CSMD3: variants seen among roughly 807,000 people sequenced by gnomAD.
The protein encoded by CSMD3 is CUB and Sushi multiple domains 3.
Under a neutral mutation model 435.2 loss-of-function variants are expected in CSMD3, and 177 were observed. The observed-to-expected ratio is 0.41, with a 90% CI of 0.36 to 0.46. CSMD3 has a LOEUF of 0.46. Among genes scored for constraint, CSMD3 ranks in the 20% least tolerant of loss-of-function variants. The pLI is 0.34. For missense variants in CSMD3, 4,265 were observed against 4,504.6 expected, an observed-to-expected ratio of 0.95 and a Z score of 1.52; for synonymous variants, 1,656 against 1,520.5, an observed-to-expected ratio of 1.09 and a Z score of -2.07.
intron 24 of CSMD3, among the ~76,000 whole-genome samples, chr8:112,558,586 A>C (rs1224910341): frequency 6.6e-6 from 1 of 151,788 alleles, no homozygotes; most frequent in African/African-American, 2.4e-5. Flanking sequence ...TTCTCTTGTC[A>C]AATAGGAATA....
intron 59 of CSMD3, among the ~76,000 whole-genome samples, chr8:112,268,048 C>T (rs1305710778): frequency 2.0e-5 from 3 of 152,028 alleles, no homozygotes; most frequent in Non-Finnish European, 2.9e-5. Flanking sequence ...TCAGAAATAC[C>T]ATTGCATAAT....
chr8:112,256,958 C>T (rs748112895), intron 61 of CSMD3, among the ~76,000 whole-genome samples: 29 of 152,138 alleles, frequency 1.9e-4, no homozygotes, highest in African/African-American at 3.6e-4. Flanking sequence ...CCATCTGGAA[C>T]GCATGTATAC....
intron 11 of CSMD3, among the ~76,000 whole-genome samples, chr8:112,836,187 G>T (rs2080018476): frequency 6.6e-6 from 1 of 151,866 alleles, no homozygotes; most frequent in Non-Finnish European, 1.5e-5. Flanking sequence ...CTCTATTAAT[G>T]TAGATAGAAA....
chr8:112,337,942 A>C (rs1415875425), intron 42 of CSMD3, among the ~76,000 whole-genome samples: 1 of 152,184 alleles, frequency 6.6e-6, no homozygotes, highest in Non-Finnish European at 1.5e-5. Flanking sequence ...ATGTTAGTAC[A>C]ATTAATAAAA....
intron 32 of CSMD3, among the ~76,000 whole-genome samples, chr8:112,471,106 T>C (rs909797432): frequency 1.3e-5 from 2 of 152,144 alleles, no homozygotes; most frequent in African/African-American, 4.8e-5. Flanking sequence ...GCTACAGTAA[T>C]ACATCTCCAG....
intron 22 of CSMD3, among the ~76,000 whole-genome samples, chr8:112,596,922 C>T (rs1304738160): frequency 6.6e-6 from 1 of 151,028 alleles, no homozygotes; most frequent in Non-Finnish European, 1.5e-5. Flanking sequence ...CAGGAAAGAT[C>T]CAAAATTGAC....
At chr8:112,874,744 A>G (rs1337274255) in intron 10 of CSMD3, among the ~76,000 whole-genome samples, 1 of 151,322 alleles carries the variant, frequency 6.6e-6, no homozygotes, top group Non-Finnish European at 1.5e-5. Flanking sequence ...TTATTTATTT[A>G]TTCATTTTTG....
At chr8:112,893,079 A>AACT (rs536354178) in intron 10 of CSMD3, among the ~76,000 whole-genome samples, 9 of 150,860 alleles carry the variant, frequency 6.0e-5, no homozygotes, top group East Asian at 2.0e-4. Context: ...TAACAACAAC[A>AACT]ACTACTACTA....
chr8:112,642,180 G>A (rs1024508466), intron 20 of CSMD3, among the ~76,000 whole-genome samples: 2 of 151,620 alleles, frequency 1.3e-5, no homozygotes, highest in African/African-American at 2.4e-5. Flanking sequence ...CCTAAAGGGT[G>A]CCATTTGACT....
At chr8:113,054,524 T>C (rs1036730895) in intron 5 of CSMD3, among the ~76,000 whole-genome samples, 2 of 152,190 alleles carry the variant, frequency 1.3e-5, no homozygotes, top group African/African-American at 4.8e-5. Context: ...TCTGTAGCAA[T>C]TGAAAAATTG....
chr8:113,343,898 T>C (rs1396943329), intron 1 of CSMD3, among the ~76,000 whole-genome samples: 1 of 152,132 alleles, frequency 6.6e-6, no homozygotes, highest in Non-Finnish European at 1.5e-5. Context: ...TTATAATCTA[T>C]CTTATAATTC....
intron 60 of CSMD3, 88 bp from the exon 61 acceptor site, chr8:112,263,900 T>C (rs1816683990): frequency 5.9e-6 from 7 of 1,189,408 alleles, no homozygotes; most frequent in Non-Finnish European, 8.7e-6. Flanking sequence ...AAGAAGCACA[T>C]GTGCTAATTT....
At chr8:112,285,786 C>T (rs994844800) in intron 58 of CSMD3, among the ~76,000 whole-genome samples, 2 of 152,018 alleles carry the variant, frequency 1.3e-5, no homozygotes, top group Non-Finnish European at 2.9e-5. Context: ...GTGGCATAAT[C>T]ATGGTTCACT....
chr8:112,388,228 C>T (rs531837812), intron 36 of CSMD3, among the ~76,000 whole-genome samples: 5 of 152,160 alleles, frequency 3.3e-5, no homozygotes, highest in African/African-American at 1.2e-4. Flanking sequence ...CAGAGCACAA[C>T]GGCATAATCG....
At chr8:113,294,243 T>C (rs764780569) in intron 2 of CSMD3, among the ~76,000 whole-genome samples, 1 of 152,098 alleles carries the variant, frequency 6.6e-6, no homozygotes, top group Non-Finnish European at 1.5e-5. Flanking sequence ...AATAATAGTT[T>C]GTCTGTTTTT....
intron 11 of CSMD3, among the ~76,000 whole-genome samples, chr8:112,855,054 T>C (rs923252363): frequency 2.0e-5 from 3 of 152,186 alleles, no homozygotes; most frequent in African/African-American, 7.2e-5. Flanking sequence ...AAAGAAGAGA[T>C]GGTAAATTCT....
At chr8:112,603,256 A>G (rs1832522654) in intron 22 of CSMD3, among the ~76,000 whole-genome samples, 1 of 152,222 alleles carries the variant, frequency 6.6e-6, no homozygotes, top group African/African-American at 2.4e-5. Context: ...GTGTCACTTC[A>G]TTCCCATGGC....
At chr8:112,797,618 A>G (rs1184214594) in intron 13 of CSMD3, among the ~76,000 whole-genome samples, 2 of 151,920 alleles carry the variant, frequency 1.3e-5, no homozygotes, top group Non-Finnish European at 2.9e-5. Flanking sequence ...ACCAGAAGAT[A>G]TCTTTAGACA....
intron 24 of CSMD3, among the ~76,000 whole-genome samples, chr8:112,564,741 T>A (rs1828932662): frequency 6.6e-6 from 1 of 152,052 alleles, no homozygotes; most frequent in Non-Finnish European, 1.5e-5. Context: ...GGCAAGAGAA[T>A]CTGAAAAATG....
Sources: gnomAD v4.1 joint callset for allele counts (sites outside exome capture counted in the v4.1 genomes callset) on GRCh38, gnomAD v4.1.1 for gene constraint, MANE v1.5 for transcripts, NCBI Gene and HGNC (gene_info 2026-07-23, HGNC 2026-07-21) for gene names.